The following SLC4A10 variants were observed in gnomAD, a reference collection of about 807,000 sequenced individuals.
SLC4A10 encodes the protein sodium-driven chloride bicarbonate exchanger.
In SLC4A10, 42 loss-of-function variants were observed where a neutral mutation model predicts 137.7. The ratio of observed to expected loss-of-function variants is 0.30; its 90% CI spans 0.24 to 0.39. The LOEUF (loss-of-function observed/expected upper bound fraction) is 0.39, where lower values mean the gene tolerates loss of function less well. Among genes scored for constraint, SLC4A10 ranks in the 10% least tolerant of loss-of-function variants. The pLI, the probability that SLC4A10 is intolerant of heterozygous loss-of-function variation, is 1.00. For synonymous variants in SLC4A10, 474 were observed against 464.1 expected (o/e 1.02, Z -0.27); for missense variants, 925 against 1,355.0 (o/e 0.68, Z 4.98).
At chr2:161,808,958 G>A (rs1457194139) in intron 3 of SLC4A10, among the ~76,000 whole-genome samples, 1 of 152,126 alleles carries the variant, frequency 6.6e-6, no homozygotes, top group East Asian at 1.9e-4. Flanking sequence ...TTGAATGGTA[G>A]TTCTGTTTTA....
chr2:161,786,900 A>G lies in SLC4A10; in HGVS notation c.130+15846A>G, dbSNP rs138668439. ...TATTGACATGTGAAGTTTTGTCCCA[A>G]TCATAGTATTGTTAGCTAGTTGCTT... On this transcript the variant is annotated intron_variant, in intron 2 of 26. Coordinates refer to ENST00000446997, the MANE Select transcript of SLC4A10 (RefSeq NM_001178015.2). 3.6e-4 allele frequency among the ~76,000 whole-genome samples: 55 copies of G among 151,440 alleles called. No homozygotes were observed. In the East Asian group the frequency reaches 0.01, roughly 28 times the overall value.
intron 2 of SLC4A10, among the ~76,000 whole-genome samples, chr2:161,789,493 G>A (rs994317965): frequency 6.6e-6 from 1 of 151,092 alleles, no homozygotes; most frequent in Non-Finnish European, 1.5e-5. Flanking sequence ...ACAAACTGGC[G>A]TCTGACATCT....
intron 1 of SLC4A10, among the ~76,000 whole-genome samples, chr2:161,750,731 G>A (rs2048878325): frequency 6.6e-6 from 1 of 151,670 alleles, no homozygotes; most frequent in Non-Finnish European, 1.5e-5. Flanking sequence ...TTGTGTATAT[G>A]TCTATTGAGT....
Position 161,947,705 on chromosome 2 carries a change from C to G in SLC4A10, c.2243C>G (p.Thr748Ser), listed in dbSNP as rs780100872. 398 of 1,612,484 alleles carry G rather than the reference C, an allele frequency of 2.5e-4. No homozygotes were observed. Among genetic ancestry groups the G allele is most frequent in the Non-Finnish European group, 3.3e-4 (387 of 1,179,138 alleles). ...TLSATLKQFK[T>S]SRYFPTKVRS... is the part of the protein sequence containing the mutation. ...TCAGCCACCCTGAAGCAGTTCAAGA[C>G]TAGCAGATATTTTCCAACCAAGGTA... is the stretch of plus-strand genomic sequence containing the variant. The change falls in exon 17 of 27, where the codon ACT (threonine) becomes AGT (serine). Residue 748 changes from threonine to serine, a missense_variant. Thr to Ser is a moderately conservative substitution (Grantham distance 58, BLOSUM62 1). Coordinates refer to ENST00000446997, the MANE Select transcript of SLC4A10 (RefSeq NM_001178015.2).
chr2:161,741,584 T>C (rs1343720755), intron 1 of SLC4A10, among the ~76,000 whole-genome samples: 2 of 152,208 alleles, frequency 1.3e-5, no homozygotes, highest in Non-Finnish European at 2.9e-5. Context: ...AAAAATGCAG[T>C]ATTTTTCTGT....
intron 4 of SLC4A10, among the ~76,000 whole-genome samples, chr2:161,843,526 G>A (rs1403765824): frequency 6.6e-6 from 1 of 152,112 alleles, no homozygotes; most frequent in Non-Finnish European, 1.5e-5. Context: ...GATATTGAAG[G>A]GGAGGGTAGA....
intron 2 of SLC4A10, among the ~76,000 whole-genome samples, chr2:161,794,162 C>T (rs1380030514): frequency 2.0e-5 from 3 of 151,958 alleles, no homozygotes; most frequent in South Asian, 2.1e-4. Context: ...TGCTATTTAT[C>T]GCCAACTCTA....
intron 15 of SLC4A10, among the ~76,000 whole-genome samples, chr2:161,912,558 C>A (rs946314548): frequency 1.3e-5 from 2 of 152,050 alleles, no homozygotes; most frequent in Non-Finnish European, 2.9e-5. Flanking sequence ...TATGTTAGGT[C>A]AAGTTACAAC....
Position 161,967,412 on chromosome 2 carries a change from T to A in SLC4A10, c.3159+2239T>A, listed in dbSNP as rs79434272. Among the ~76,000 whole-genome samples the A allele has an allele frequency of 2.1e-4, 32 of 152,286 alleles. 1 individual carries two copies. In the East Asian group the frequency reaches 6.2e-3, roughly 29 times the overall value. ...AAAGGAATGAATAAATGAATACAAATGACTGTAAAATAAAAATTCATCAAG... is the reference window on the plus strand; with the variant it reads ...AAAGGAATGAATAAATGAATACAAAAGACTGTAAAATAAAAATTCATCAAG... On this transcript the variant is annotated intron_variant, in intron 23 of 26. Coordinates refer to ENST00000446997, the MANE Select transcript of SLC4A10 (RefSeq NM_001178015.2).
intron 15 of SLC4A10, among the ~76,000 whole-genome samples, chr2:161,928,952 G>A (rs569594687): frequency 4.6e-5 from 7 of 151,888 alleles, no homozygotes; most frequent in African/African-American, 1.7e-4. Flanking sequence ...TTTCTCCCTC[G>A]TTATGTTACT....
intron 23 of SLC4A10, among the ~76,000 whole-genome samples, chr2:161,968,768 G>T (rs1698024258): frequency 6.6e-6 from 1 of 152,180 alleles, no homozygotes; most frequent in Non-Finnish European, 1.5e-5. Flanking sequence ...GTTTAAAGAG[G>T]TTCGCTTTCT....
intron 16 of SLC4A10, among the ~76,000 whole-genome samples, chr2:161,946,209 C>A (rs1240055057): frequency 2.6e-5 from 4 of 151,872 alleles, no homozygotes; most frequent in Non-Finnish European, 4.4e-5. Flanking sequence ...TTAACTTTGC[C>A]TATCAAGGAA....
intron 15 of SLC4A10, among the ~76,000 whole-genome samples, chr2:161,917,431 C>G (rs1687314856): frequency 6.6e-6 from 1 of 151,398 alleles, no homozygotes; most frequent in African/African-American, 2.4e-5. Context: ...TTGTAGATAC[C>G]TAGAAACAAG....
chr2:161,768,953 A>G (rs2125407688), intron 1 of SLC4A10, among the ~76,000 whole-genome samples: 1 of 151,988 alleles, frequency 6.6e-6, no homozygotes, highest in East Asian at 1.9e-4. Context: ...TTCGTTTCCC[A>G]TAGTCATGGT....
rs114292148 is a variant in SLC4A10 at position 161,644,996 on chromosome 2, G to A, written c.48+20430G>A. On this transcript the variant is annotated intron_variant, in intron 1 of 26. Transcript: ENST00000446997. ...TAATGCTTTATACAATAAATGATGA[G>A]GCATGAGAGAGTTACAGGCCATTTG... Among the ~76,000 whole-genome samples the A allele has an allele frequency of 9.1e-3, 1,390 of 152,154 alleles. 13 individuals are homozygous for A. Among genetic ancestry groups the A allele is most frequent in the Middle Eastern group, 0.027 (8 of 294 alleles).
At chr2:161,635,876 G>C (rs1272169003) in intron 1 of SLC4A10, among the ~76,000 whole-genome samples, 1 of 152,104 alleles carries the variant, frequency 6.6e-6, no homozygotes, top group Non-Finnish European at 1.5e-5. Flanking sequence ...GTCTGCCACT[G>C]TGGGCTTCAA....
At position 161,903,935 on chromosome 2, in the gene SLC4A10, A is replaced by C. The variant is rs567205136; in HGVS notation, c.1443-69A>C. On this transcript the variant is annotated intron_variant, in intron 12 of 26. Transcript: ENST00000446997. ...GTATACTGTGACCTGGCAACAAAGC[A>C]AATGAGCATTTTGACTTGTGTGTTT... 4 of 1,458,474 alleles carry C rather than the reference A, an allele frequency of 2.7e-6. No individual in the cohort carries two copies. The East Asian group carries it at 9.9e-5, about 36-fold the overall frequency. 90.3% of individuals were successfully genotyped at this position (1,458,474 alleles called of 1,614,324 possible).
chr2:161,968,989 G>A (rs1388003632), intron 23 of SLC4A10, among the ~76,000 whole-genome samples: 1 of 152,136 alleles, frequency 6.6e-6, no homozygotes, highest in African/African-American at 2.4e-5. Context: ...GTGTTAAGGT[G>A]GTAAACGGAC....
chr2:161,823,399 C>G (rs2057778209), intron 3 of SLC4A10, among the ~76,000 whole-genome samples: 1 of 152,198 alleles, frequency 6.6e-6, no homozygotes, highest in Non-Finnish European at 1.5e-5. Flanking sequence ...TGATGCTAAT[C>G]ACGTCTACCT....
Sources: allele counts gnomAD v4.1 joint callset (sites outside exome capture counted in the v4.1 genomes callset), GRCh38; gene constraint gnomAD v4.1.1; transcripts MANE v1.5; gene names NCBI Gene and HGNC (gene_info 2026-07-23, HGNC 2026-07-21).